Variants in CENPP observed in about 807,000 individuals in gnomAD.
CENPP encodes the protein centromere protein P.
Under a neutral mutation model 35.6 loss-of-function variants are expected in CENPP, and 24 were observed. The ratio of observed to expected loss-of-function variants is 0.67; its 90% CI spans 0.49 to 0.95. CENPP has a LOEUF of 0.95. Ranked by LOEUF, CENPP falls within the 40% of genes least tolerant of loss-of-function variation. The pLI is 0.00. For missense variants in CENPP, 332 were observed against 345.3 expected, an observed-to-expected ratio of 0.96 and a Z score of 0.31; for synonymous variants, 120 against 125.5, an observed-to-expected ratio of 0.96 and a Z score of 0.29.
chr9:92,348,197 G>T (rs1162150926), intron 4 of CENPP, among the ~76,000 whole-genome samples: 8 of 148,104 alleles, frequency 5.4e-5, no homozygotes, highest in African/African-American at 2.0e-4. Flanking sequence ...GACCTCAAAT[G>T]ATCCACCCAC....
intron 4 of CENPP, among the ~76,000 whole-genome samples, chr9:92,366,007 C>T (rs1468779537): frequency 3.3e-5 from 5 of 151,482 alleles, no homozygotes; most frequent in African/African-American, 4.8e-5. Flanking sequence ...GGTGAAACCC[C>T]GTCTCTACTA....
intron 5 of CENPP, among the ~76,000 whole-genome samples, chr9:92,494,527 C>T (rs1846263740): frequency 6.6e-6 from 1 of 152,272 alleles, no homozygotes; most frequent in East Asian, 1.9e-4. Context: ...ACTCTTGAGT[C>T]TAACAGTTAT....
At chr9:92,464,825 C>A (rs1325248404) in intron 5 of CENPP, 1 of 899,196 alleles carries the variant, frequency 1.1e-6, no homozygotes, top group Non-Finnish European at 1.9e-6. Flanking sequence ...TTTCTAGTTG[C>A]AGTGTATACT....
chr9:92,516,103 G>A (rs909363696), intron 5 of CENPP, among the ~76,000 whole-genome samples: 7 of 147,008 alleles, frequency 4.8e-5, no homozygotes, highest in African/African-American at 7.6e-5. Context: ...TTGCTCTGTC[G>A]CCCAGGCTGG....
chr9:92,343,836 A>C (rs939762600), intron 3 of CENPP, among the ~76,000 whole-genome samples: 1 of 151,946 alleles, frequency 6.6e-6, no homozygotes, highest in African/African-American at 2.4e-5. Context: ...GGTTACTTAC[A>C]TATATAGTCC....
intron 5 of CENPP, chr9:92,384,675 A>G (rs910029975): frequency 6.6e-6 from 1 of 152,142 alleles, no homozygotes; most frequent in African/African-American, 2.4e-5. Flanking sequence ...TACAGTGAAC[A>G]TGGATGTGTA....
At chr9:92,359,575 G>A (rs951229933) in intron 4 of CENPP, among the ~76,000 whole-genome samples, 6 of 151,924 alleles carry the variant, frequency 3.9e-5, no homozygotes, top group South Asian at 2.1e-4. Flanking sequence ...TTGATTGTTC[G>A]GCTCTTAGAA....
intron 4 of CENPP, among the ~76,000 whole-genome samples, chr9:92,351,799 A>G (rs1415994302): frequency 2.6e-5 from 4 of 151,510 alleles, no homozygotes; most frequent in Non-Finnish European, 4.4e-5. Flanking sequence ...TAATTTTTAT[A>G]TTTTTAGTAG....
intron 5 of CENPP, among the ~76,000 whole-genome samples, chr9:92,394,388 G>A (rs1436606687): frequency 9.4e-5 from 14 of 149,542 alleles, no homozygotes; most frequent in Non-Finnish European, 1.5e-4. Flanking sequence ...GATTACTGGC[G>A]TATGCCACCA....
At chr9:92,474,681 GA>G (rs754977945) in intron 5 of CENPP, 5 of 1,613,766 alleles carry the variant, frequency 3.1e-6, no homozygotes, top group Non-Finnish European at 4.2e-6. Context: ...GGACACATTG[GA>G]AACAGATCAA....
At chr9:92,504,732 T>C (rs940426730) in intron 5 of CENPP, among the ~76,000 whole-genome samples, 2 of 152,038 alleles carry the variant, frequency 1.3e-5, no homozygotes, top group Non-Finnish European at 2.9e-5. Context: ...AGAGACAAGG[T>C]CTCACTATGT....
chr9:92,404,076 T>TA (rs1033981298), intron 5 of CENPP, among the ~76,000 whole-genome samples: 14 of 152,164 alleles, frequency 9.2e-5, no homozygotes, highest in African/African-American at 3.1e-4. Context: ...GAAAGAATAG[T>TA]ATTGCAGGCT....
intron 4 of CENPP, among the ~76,000 whole-genome samples, chr9:92,361,992 A>G (rs1841766155): frequency 6.6e-6 from 1 of 152,020 alleles, no homozygotes; most frequent in Non-Finnish European, 1.5e-5. Context: ...GTGCCACTGC[A>G]CTCCAGCCTG....
At chr9:92,360,142 A>G (rs1360968674) in intron 4 of CENPP, among the ~76,000 whole-genome samples, 1 of 152,028 alleles carries the variant, frequency 6.6e-6, no homozygotes, top group Non-Finnish European at 1.5e-5. Flanking sequence ...CTTTTAATTT[A>G]TTTCATTCAC....
chr9:92,554,534 G>C (rs1466244966), intron 5 of CENPP, among the ~76,000 whole-genome samples: 1 of 151,968 alleles, frequency 6.6e-6, no homozygotes, highest in East Asian at 1.9e-4. Context: ...ACCTGCATAT[G>C]TTAAACCATC....
chr9:92,432,325 CA>C (rs201796744), intron 5 of CENPP, among the ~76,000 whole-genome samples: 83 of 138,156 alleles, frequency 6.0e-4, no homozygotes, highest in Admixed American at 5.9e-4. Flanking sequence ...AACTCCATCT[CA>C]AAAAAAAAAA....
intron 4 of CENPP, among the ~76,000 whole-genome samples, chr9:92,368,457 A>G (rs566537079): frequency 2.0e-5 from 3 of 152,322 alleles, no homozygotes; most frequent in Admixed American, 2.0e-4. Context: ...AAGCAGCTTC[A>G]TGGGGCCGTT....
chr9:92,466,291 G>C (rs1356612675), intron 5 of CENPP: 4 of 1,048,390 alleles, frequency 3.8e-6, no homozygotes, highest in Non-Finnish European at 5.7e-6. Flanking sequence ...TAATAGTGAC[G>C]ATAAAGTGTT....
At chr9:92,449,854 A>C (rs1430470523) in intron 5 of CENPP, among the ~76,000 whole-genome samples, 1 of 152,144 alleles carries the variant, frequency 6.6e-6, no homozygotes, top group Non-Finnish European at 1.5e-5. Context: ...CATGCTTCCT[A>C]TACAGCCTGC....
Sources: gnomAD v4.1 joint callset for allele counts (sites outside exome capture counted in the v4.1 genomes callset) on GRCh38, gnomAD v4.1.1 for gene constraint, MANE v1.5 for transcripts, NCBI Gene and HGNC (gene_info 2026-07-23, HGNC 2026-07-21) for gene names.